The following LARGE1 variants were observed in gnomAD, a reference collection of about 807,000 sequenced individuals.
LARGE1 encodes xylosyl- and glucuronyltransferase LARGE1.
A neutral mutation model predicts 87.6 loss-of-function variants in LARGE1; 43 were observed. That is an observed-to-expected ratio of 0.49 (90% CI 0.38 to 0.63). LARGE1 has a LOEUF of 0.63. LARGE1 is among the 30% of genes least tolerant of loss of function. LARGE1 has a pLI of 0.00. For synonymous variants in LARGE1, 434 were observed against 394.6 expected (o/e 1.10, Z -1.18); for missense variants, 802 against 1,000.2 (o/e 0.80, Z 2.67).
chr22:33,580,561 C>A (rs558170582), intron 5 of LARGE1, among the ~76,000 whole-genome samples: 1 of 152,154 alleles, frequency 6.6e-6, no homozygotes, highest in South Asian at 2.1e-4. Context: ...TGAGTGAGCT[C>A]GAGACGCTAG....
chr22:33,537,599 G>A (rs191063242), intron 6 of LARGE1, among the ~76,000 whole-genome samples: 3 of 152,048 alleles, frequency 2.0e-5, no homozygotes, highest in Non-Finnish European at 4.4e-5. Flanking sequence ...ACGGAGGCTT[G>A]TCTGTCACCC....
intron 2 of LARGE1, among the ~76,000 whole-genome samples, chr22:33,680,221 C>A (rs1224865465): frequency 6.6e-6 from 1 of 152,168 alleles, no homozygotes; most frequent in South Asian, 2.1e-4. Context: ...GCGAGATGGT[C>A]CGTTCCAGGG....
chr22:33,719,523 A>ATTTATT (rs2083019232), intron 2 of LARGE1, among the ~76,000 whole-genome samples: 1 of 150,420 alleles, frequency 6.6e-6, no homozygotes, highest in South Asian at 2.1e-4. Flanking sequence ...TTATTTATTT[A>ATTTATT]TTTATTTATT....
chr22:33,314,649 G>C (rs1311838241), intron 11 of LARGE1, among the ~76,000 whole-genome samples: 1 of 152,156 alleles, frequency 6.6e-6, no homozygotes, highest in Non-Finnish European at 1.5e-5. Context: ...CCCATAGGCT[G>C]GATAGGCATC....
the LARGE1 span, among the ~76,000 whole-genome samples, chr22:33,126,026 G>C: frequency 6.6e-6 from 1 of 152,218 alleles, no homozygotes; most frequent in Non-Finnish European, 1.5e-5. Context: ...GGGATTACAG[G>C]CGTGAGCCAC....
At chr22:33,450,100 C>T (rs1368147952) in intron 6 of LARGE1, among the ~76,000 whole-genome samples, 2 of 151,830 alleles carry the variant, frequency 1.3e-5, no homozygotes, top group African/African-American at 2.4e-5. Context: ...TTAGTAGAGA[C>T]GGAGTTTTGC....
chr22:33,614,673 A>G (rs147160563), intron 4 of LARGE1, among the ~76,000 whole-genome samples: 10 of 152,004 alleles, frequency 6.6e-5, no homozygotes, highest in African/African-American at 2.2e-4. Context: ...ACCCCATCCA[A>G]CGCAGCCCCA....
chr22:33,194,750 TG>T (rs1302997207), intron 11 of LARGE1, among the ~76,000 whole-genome samples: 6 of 152,298 alleles, frequency 3.9e-5, no homozygotes, highest in African/African-American at 1.4e-4. Flanking sequence ...GGAATGATAG[TG>T]CTGGAAGACT....
chr22:33,736,907 G>A (rs2083675608), intron 2 of LARGE1, among the ~76,000 whole-genome samples: 1 of 152,134 alleles, frequency 6.6e-6, no homozygotes, highest in Non-Finnish European at 1.5e-5. Context: ...ACTTGCCATG[G>A]TCACAAAAGG....
intron 1 of LARGE1, among the ~76,000 whole-genome samples, chr22:33,904,300 C>G (rs1487629398): frequency 6.6e-6 from 1 of 152,106 alleles, no homozygotes; most frequent in Non-Finnish European, 1.5e-5. Context: ...GGATTACAGG[C>G]GTGTGCCACC....
chr22:33,084,561 G>A, the LARGE1 span, among the ~76,000 whole-genome samples: 1 of 151,830 alleles, frequency 6.6e-6, no homozygotes, highest in East Asian at 1.9e-4. Flanking sequence ...AGCTGAGGTG[G>A]GAGGATTGCT....
At chr22:33,254,935 AT>A (rs11363318) in intron 11 of LARGE1, among the ~76,000 whole-genome samples, 18,495 of 128,122 alleles carry the variant, frequency 0.14, 1,053 homozygotes, top group South Asian at 0.26. Context: ...CTACCTGTAG[AT>A]TTTTTTTTTT....
At chr22:33,113,756 T>C in the LARGE1 span, among the ~76,000 whole-genome samples, 1 of 152,210 alleles carries the variant, frequency 6.6e-6, no homozygotes, top group African/African-American at 2.4e-5. Flanking sequence ...GAAGTGTGCT[T>C]AGACATTAGA....
intron 5 of LARGE1, among the ~76,000 whole-genome samples, chr22:33,603,238 G>T (rs1297278554): frequency 6.6e-6 from 1 of 152,190 alleles, no homozygotes; most frequent in Non-Finnish European, 1.5e-5. Context: ...AAAATGAAAA[G>T]ATAATGGCTT....
intron 2 of LARGE1, among the ~76,000 whole-genome samples, chr22:33,660,977 T>A (rs1368975659): frequency 6.6e-6 from 1 of 152,146 alleles, no homozygotes; most frequent in Admixed American, 6.5e-5. Context: ...GTGCTAAGAA[T>A]CATATTTTAC....
chr22:33,885,866 A>G (rs2064829599), intron 1 of LARGE1, among the ~76,000 whole-genome samples: 1 of 151,946 alleles, frequency 6.6e-6, no homozygotes, highest in Non-Finnish European at 1.5e-5. Flanking sequence ...CCCCATCTCT[A>G]CCAAAAAATA....
intron 11 of LARGE1, among the ~76,000 whole-genome samples, chr22:33,259,022 C>T (rs977868280): frequency 7.9e-5 from 12 of 152,074 alleles, no homozygotes; most frequent in South Asian, 2.1e-4. Flanking sequence ...GGATTATGGG[C>T]GCCCGCCACC....
intron 9 of LARGE1, among the ~76,000 whole-genome samples, chr22:33,347,359 C>T (rs185410737): frequency 1.3e-5 from 2 of 152,318 alleles, no homozygotes; most frequent in Admixed American, 6.5e-5. Context: ...CAGTGCTTGG[C>T]ACGCAGTTAG....
At chr22:33,660,879 C>A (rs954091988) in intron 2 of LARGE1, among the ~76,000 whole-genome samples, 1 of 152,076 alleles carries the variant, frequency 6.6e-6, no homozygotes, top group African/African-American at 2.4e-5. Context: ...TTTTTAAAAC[C>A]TTTGCAATAA....
Sources: allele counts gnomAD v4.1 joint callset (sites outside exome capture counted in the v4.1 genomes callset), GRCh38; gene constraint gnomAD v4.1.1; transcripts MANE v1.5; gene names NCBI Gene and HGNC (gene_info 2026-07-23, HGNC 2026-07-21).